The following GALNT17 variants were observed in gnomAD, a reference collection of about 807,000 sequenced individuals.
The protein encoded by GALNT17 is polypeptide N-acetylgalactosaminyltransferase 17.
In GALNT17, 29 loss-of-function variants were observed where a neutral mutation model predicts 63.7. That is an observed-to-expected ratio of 0.46 (90% CI 0.34 to 0.62). GALNT17 has a LOEUF of 0.62. Ranked by LOEUF, GALNT17 falls within the 20% of genes least tolerant of loss-of-function variation. The pLI is 0.01. For synonymous variants in GALNT17, 305 were observed against 318.3 expected, an observed-to-expected ratio of 0.96 and a Z score of 0.45; for missense variants, 603 against 799.6, an observed-to-expected ratio of 0.75 and a Z score of 2.97.
intron 7 of GALNT17, among the ~76,000 whole-genome samples, chr7:71,669,154 G>T (rs1783514129): frequency 6.6e-6 from 1 of 152,106 alleles, no homozygotes; most frequent in African/African-American, 2.4e-5. Context: ...ATTGCTGTAG[G>T]TTCCTGATTT....
chr7:71,448,058 G>T (rs1787190991), intron 5 of GALNT17, among the ~76,000 whole-genome samples: 1 of 151,934 alleles, frequency 6.6e-6, no homozygotes. Context: ...GTGCTTGTAT[G>T]TGTAAAAATG....
At chr7:71,619,052 A>AT (rs770420800) in intron 6 of GALNT17, among the ~76,000 whole-genome samples, 6 of 152,332 alleles carry the variant, frequency 3.9e-5, no homozygotes, top group Non-Finnish European at 8.8e-5. Flanking sequence ...TCCTGGCACC[A>AT]TTTATTGAGT....
At chr7:71,365,034 G>T (rs1272906930) in intron 2 of GALNT17, among the ~76,000 whole-genome samples, 2 of 150,774 alleles carry the variant, frequency 1.3e-5, no homozygotes, top group Non-Finnish European at 3.0e-5. Flanking sequence ...GGGTTCAAGC[G>T]GTTCTCCTGC....
intron 3 of GALNT17, among the ~76,000 whole-genome samples, chr7:71,404,082 T>G (rs900974024): frequency 2.7e-4 from 41 of 152,170 alleles, no homozygotes; most frequent in African/African-American, 9.7e-4. Flanking sequence ...GGGAGACAAC[T>G]TGGAGCTCTC....
intron 5 of GALNT17, among the ~76,000 whole-genome samples, chr7:71,552,062 T>A (rs1789088668): frequency 6.7e-6 from 1 of 148,760 alleles, no homozygotes; most frequent in Admixed American, 6.7e-5. Context: ...TTATTTATTT[T>A]GAGTCAGGGT....
At chr7:71,488,889 C>CTT (rs369124996) in intron 5 of GALNT17, among the ~76,000 whole-genome samples, 41,226 of 54,882 alleles carry the variant, frequency 0.75, 16,458 homozygotes, top group Non-Finnish European at 0.78. Flanking sequence ...GCCAGGTTTC[C>CTT]TTTTTTTTTT....
chr7:71,353,047 T>C (rs1004103698), intron 2 of GALNT17, among the ~76,000 whole-genome samples: 2 of 151,870 alleles, frequency 1.3e-5, no homozygotes, highest in Non-Finnish European at 2.9e-5. Flanking sequence ...ATGAATTTTA[T>C]TGTGAAAGGG....
At chr7:71,638,892 A>T (rs1307477307) in intron 6 of GALNT17, among the ~76,000 whole-genome samples, 2 of 152,140 alleles carry the variant, frequency 1.3e-5, no homozygotes, top group Non-Finnish European at 2.9e-5. Flanking sequence ...AAACAATTGA[A>T]CACATGGACA....
intron 5 of GALNT17, among the ~76,000 whole-genome samples, chr7:71,507,492 G>A (rs1788287128): frequency 1.3e-5 from 2 of 152,138 alleles, no homozygotes. Flanking sequence ...GAATAATTAG[G>A]AGATAGTTCT....
chr7:71,541,173 GGCAGAGGTT>G (rs1788884493), intron 5 of GALNT17, among the ~76,000 whole-genome samples: 1 of 152,028 alleles, frequency 6.6e-6, no homozygotes, highest in Non-Finnish European at 1.5e-5. Context: ...GAACCCTGGA[GGCAGAGGTT>G]GCAGTGAGCA....
intron 6 of GALNT17, among the ~76,000 whole-genome samples, chr7:71,624,807 T>C (rs1274403793): frequency 6.6e-6 from 1 of 152,162 alleles, no homozygotes; most frequent in Non-Finnish European, 1.5e-5. Flanking sequence ...CAAAAACATA[T>C]TAGAAGGAGG....
intron 5 of GALNT17, among the ~76,000 whole-genome samples, chr7:71,482,175 A>G (rs1434206480): frequency 7.6e-6 from 1 of 132,024 alleles, no homozygotes. Flanking sequence ...TTTGAGACGG[A>G]GTCTCGCTCT....
intron 3 of GALNT17, among the ~76,000 whole-genome samples, chr7:71,402,939 C>G (rs866015328): frequency 2.0e-5 from 3 of 152,204 alleles, no homozygotes; most frequent in East Asian, 3.9e-4. Flanking sequence ...GCCTTCCCCC[C>G]TGCCTGTAAA....
intron 1 of GALNT17, among the ~76,000 whole-genome samples, chr7:71,190,136 C>G (rs180807681): frequency 6.6e-6 from 1 of 152,298 alleles, no homozygotes; most frequent in East Asian, 1.9e-4. Flanking sequence ...TCTGAGGAAT[C>G]CCTAGAGACC....
chr7:71,539,610 T>A (rs1046767608), intron 5 of GALNT17, among the ~76,000 whole-genome samples: 4 of 152,108 alleles, frequency 2.6e-5, no homozygotes, highest in African/African-American at 9.7e-5. Context: ...TGTCAAACTT[T>A]GAGTATGTCA....
intron 1 of GALNT17, among the ~76,000 whole-genome samples, chr7:71,156,842 C>T (rs1269691458): frequency 6.6e-6 from 1 of 151,742 alleles, no homozygotes; most frequent in Non-Finnish European, 1.5e-5. Flanking sequence ...GCCTCAGCCT[C>T]CCAAAGCGCT....
chr7:71,678,103 T>C (rs139836737), intron 9 of GALNT17, among the ~76,000 whole-genome samples: 1 of 151,904 alleles, frequency 6.6e-6, no homozygotes, highest in Non-Finnish European at 1.5e-5. Context: ...CAGCCAAGCA[T>C]TTTATACTAT....
rs1360723183 is a variant in GALNT17 at position 71,629,913 on chromosome 7, T to C, written c.1081-35498T>C. On this transcript the variant is annotated intron_variant, in intron 6 of 10. Transcript: ENST00000333538. ...CTGGGATTATTAGTGTGAGCCACTATACCAGGCCAAAGTCACCAGGTTCAC... is the reference window on the plus strand; with the variant it reads ...CTGGGATTATTAGTGTGAGCCACTACACCAGGCCAAAGTCACCAGGTTCAC... 4.9e-3 allele frequency among the ~76,000 whole-genome samples: 660 copies of C among 135,644 alleles called. No individual in the cohort carries two copies. The Middle Eastern group carries it at 0.053, about 11-fold the overall frequency. The allele number at this position is 135,644 out of a possible 152,430, so 89.0% of individuals were successfully genotyped here.
chr7:71,614,695 A>C (rs577438784), intron 6 of GALNT17, among the ~76,000 whole-genome samples: 2 of 151,782 alleles, frequency 1.3e-5, no homozygotes, highest in African/African-American at 4.8e-5. Context: ...GAAGGGAGGG[A>C]GGGAAGAAAG....
Sources: gnomAD v4.1 joint callset for allele counts (sites outside exome capture counted in the v4.1 genomes callset) on GRCh38, gnomAD v4.1.1 for gene constraint, MANE v1.5 for transcripts, NCBI Gene and HGNC (gene_info 2026-07-23, HGNC 2026-07-21) for gene names.